Variants in RNF20 observed in about 807,000 individuals in gnomAD.
RNF20 encodes ring finger protein 20, also known as E3 ubiquitin-protein ligase BRE1A.
In RNF20, 84 loss-of-function variants were observed where a neutral mutation model predicts 126.2. The ratio of observed to expected loss-of-function variants is 0.67; its 90% confidence interval spans 0.56 to 0.80. RNF20 has a LOEUF of 0.80. RNF20 is among the 30% of genes least tolerant of loss of function. The pLI, the probability that RNF20 is intolerant of heterozygous loss-of-function variation, is 0.00. For missense variants in RNF20, 869 were observed against 1,188.2 expected (o/e 0.73, Z 3.95); for synonymous variants, 400 against 414.3 (o/e 0.97, Z 0.42).
chr9:101,550,469 A>T (rs1028098231), intron 9 of RNF20, 137 bp from the exon 10 acceptor site: 8 of 717,352 alleles, frequency 1.1e-5, no homozygotes, highest in Non-Finnish European at 1.7e-5. Flanking sequence ...AACTACAGCA[A>T]TGGGTAGATA....
Position 101,562,563 on chromosome 9 carries a change from C to T in RNF20, c.*141C>T, listed in dbSNP as rs1827645231. On this transcript the variant is annotated 3_prime_UTR_variant, in exon 20 of 20. Transcript: ENST00000389120. ...CTTTCCTCCAGACTTTACTTCCAGG[C>T]TCTCCTCTTCAGTAGCTGGATGACT... 4.2e-6 allele frequency: 3 copies of T among 706,496 alleles called. No individual in the cohort carries two copies. Among genetic ancestry groups the T allele is most frequent in the Non-Finnish European group, 6.7e-6 (3 of 446,994 alleles). The allele number at this position is 706,496 out of a possible 1,614,324, so 43.8% of individuals were successfully genotyped here.
chr9:101,544,750 T>C lies in RNF20; in HGVS notation c.629-17T>C, dbSNP rs776592156. 7.4e-6 allele frequency: 11 copies of C among 1,489,476 alleles called. No homozygotes were observed. In the Admixed American group the frequency reaches 1.5e-4, roughly 20 times the overall value. 92.3% of individuals were successfully genotyped at this position (1,489,476 alleles called of 1,614,324 possible). A position where few individuals can be genotyped will look rare whatever the true frequency, so the allele number is the denominator to read the frequency against. On this transcript the variant is annotated splice_polypyrimidine_tract_variant and intron_variant, in intron 5 of 19. Transcript: ENST00000389120. ...ACACTCTAGATGCTAAATTAAAGTA[T>C]AGTTCTTCTTCCCCAGATAATCTGA...
chr9:101,545,189 A>T (rs1176803351), intron 6 of RNF20, among the ~76,000 whole-genome samples: 1 of 152,228 alleles, frequency 6.6e-6, no homozygotes, highest in Non-Finnish European at 1.5e-5. Context: ...CTTGGGTGCA[A>T]ATAATGCCAT....
intron 10 of RNF20, among the ~76,000 whole-genome samples, chr9:101,551,040 A>G (rs1420305769): frequency 1.3e-5 from 2 of 152,244 alleles, no homozygotes; most frequent in East Asian, 3.8e-4. Flanking sequence ...AGCATAGCCA[A>G]AAGATGTGAT....
chr9:101,549,816 C>T (rs1038588144), intron 9 of RNF20, among the ~76,000 whole-genome samples: 4 of 152,122 alleles, frequency 2.6e-5, no homozygotes, highest in African/African-American at 9.7e-5. Context: ...CTGGTTTTTC[C>T]TAGGTTATGA....
chr9:101,551,885 AC>A, intron 11 of RNF20, 66 bp downstream of exon 11: 1 of 1,512,416 alleles, frequency 6.6e-7, no homozygotes, highest in Non-Finnish European at 8.9e-7. Flanking sequence ...TACAACACAG[AC>A]CCCAGGGTTT....
At chr9:101,546,610 A>G (rs1827350843) in intron 6 of RNF20, among the ~76,000 whole-genome samples, 1 of 152,184 alleles carries the variant, frequency 6.6e-6, no homozygotes, top group Non-Finnish European at 1.5e-5. Flanking sequence ...GAGAGTTCTT[A>G]TAGACTTTAG....
At chr9:101,536,897 A>G (rs557131639) in intron 2 of RNF20, among the ~76,000 whole-genome samples, 17 of 152,346 alleles carry the variant, frequency 1.1e-4, no homozygotes, top group African/African-American at 3.8e-4. Flanking sequence ...GAGTCCAGCT[A>G]GCAGACTTTT....
intron 13 of RNF20, among the ~76,000 whole-genome samples, chr9:101,553,184 G>A (rs1377990537): frequency 6.6e-6 from 1 of 152,202 alleles, no homozygotes; most frequent in African/African-American, 2.4e-5. Flanking sequence ...TAACTGGTTT[G>A]TGAATATGCC....
intron 15 of RNF20, 52 bp from the exon 16 acceptor site, chr9:101,557,332 C>T (rs1827550755): frequency 7.4e-7 from 1 of 1,358,766 alleles, no homozygotes; most frequent in Admixed American, 1.7e-5. Context: ...TGTGCTCTTC[C>T]ATTGAAGTTG....
At chr9:101,558,307 A>G (rs1827569558) in intron 16 of RNF20, among the ~76,000 whole-genome samples, 1 of 152,170 alleles carries the variant, frequency 6.6e-6, no homozygotes, top group Non-Finnish European at 1.5e-5. Context: ...TACTTCACTT[A>G]GAATATTGGT....
At chr9:101,535,677 G>T in intron 2 of RNF20, 125 bp downstream of exon 2, 1 of 995,778 alleles carries the variant, frequency 1.0e-6, no homozygotes. Context: ...AATAAAACAG[G>T]CTGAAAGTAG....
At chr9:101,549,750 C>G (rs908320768) in intron 9 of RNF20, among the ~76,000 whole-genome samples, 1 of 152,204 alleles carries the variant, frequency 6.6e-6, no homozygotes, top group African/African-American at 2.4e-5. Context: ...AAGGCTCGCA[C>G]TCTTGTCTTC....
At chr9:101,551,280 C>G (rs919061990) in intron 10 of RNF20, among the ~76,000 whole-genome samples, 1 of 152,120 alleles carries the variant, frequency 6.6e-6, no homozygotes, top group African/African-American at 2.4e-5. Flanking sequence ...AAATTACTTA[C>G]ATTTCTTAAA....
chr9:101,561,399 C>G, intron 18 of RNF20, 169 bp downstream of exon 18: 1 of 658,228 alleles, frequency 1.5e-6, no homozygotes, highest in Non-Finnish European at 2.6e-6. Flanking sequence ...TATCCTCAGA[C>G]TCTTTTATGG....
intron 5 of RNF20, among the ~76,000 whole-genome samples, chr9:101,542,663 A>C (rs1017140503): frequency 6.6e-6 from 1 of 152,196 alleles, no homozygotes. Context: ...TTTTAGTAAT[A>C]TGGTAATTAA....
intron 1 of RNF20, among the ~76,000 whole-genome samples, 165 bp from the exon 2 acceptor site, chr9:101,535,233 A>T (rs538655731): frequency 7.0e-5 from 10 of 142,492 alleles, no homozygotes; most frequent in East Asian, 2.0e-4. Context: ...CTACAATTTA[A>T]TTTTTTTTTT....
At chr9:101,554,194 C>A (rs1397015894) in intron 14 of RNF20, 89 bp downstream of exon 14, 2 of 730,904 alleles carry the variant, frequency 2.7e-6, no homozygotes, top group East Asian at 2.7e-5. Context: ...TAATTTCTTT[C>A]TTTATCTTTA....
In RNF20 at chr9:101,544,093, A is replaced by G. The variant is rs574839202; in HGVS notation, c.629-674A>G. 3.1e-4 allele frequency among the ~76,000 whole-genome samples: 47 copies of G among 152,266 alleles called. No individual in the cohort carries two copies. The South Asian group carries it at 9.7e-3, about 32-fold the overall frequency. ...TCCTGAGAGTATCTGGTTTCATTTA[A>G]TTACATTTGGATTTCAGCTATAGTA... On this transcript the variant is annotated intron_variant, in intron 5 of 19. Transcript: ENST00000389120.
Sources: allele counts gnomAD v4.1 joint callset (sites outside exome capture counted in the v4.1 genomes callset), GRCh38; gene constraint gnomAD v4.1.1; transcripts MANE v1.5; gene names NCBI Gene and HGNC (gene_info 2026-07-23, HGNC 2026-07-21).